The following ATG16L1 variants were observed in gnomAD, a reference collection of about 807,000 sequenced individuals.
The protein encoded by ATG16L1 is autophagy related 16 like 1, also known as autophagy-related protein 16-1.
A neutral mutation model predicts 88.5 loss-of-function variants in ATG16L1; 37 were observed. The observed-to-expected ratio is 0.42, with a 90% CI of 0.32 to 0.55. ATG16L1 has a LOEUF of 0.55. ATG16L1 is among the 20% of genes least tolerant of loss of function. The probability of loss-of-function intolerance (pLI) is 0.13; values close to 1 mark genes in which losing one functional copy is unlikely to be tolerated. For missense variants in ATG16L1, 554 were observed against 752.8 expected, an observed-to-expected ratio of 0.74 and a Z score of 3.09; for synonymous variants, 301 against 281.0, an observed-to-expected ratio of 1.07 and a Z score of -0.71.
intron 10 of ATG16L1, among the ~76,000 whole-genome samples, chr2:233,279,584 G>A (rs970404882): frequency 2.0e-5 from 3 of 152,196 alleles, no homozygotes; most frequent in Non-Finnish European, 4.4e-5. Context: ...CTTGGAAGAG[G>A]CCAAGTTCAA....
chr2:233,267,507 A>T (rs964344594), intron 5 of ATG16L1, among the ~76,000 whole-genome samples: 1 of 152,100 alleles, frequency 6.6e-6, no homozygotes, highest in Admixed American at 6.5e-5. Flanking sequence ...ACTGGTGTTT[A>T]TTTTTGGGGG....
intron 6 of ATG16L1, among the ~76,000 whole-genome samples, 155 bp downstream of exon 6, chr2:233,270,222 G>T (rs1304543831): frequency 2.6e-5 from 4 of 151,362 alleles, no homozygotes; most frequent in African/African-American, 9.7e-5. Context: ...AGCTTCTAAT[G>T]TTTTTATTTC....
intron 12 of ATG16L1, among the ~76,000 whole-genome samples, chr2:233,284,479 G>A (rs928742362): frequency 1.3e-4 from 20 of 152,074 alleles, no homozygotes; most frequent in African/African-American, 4.6e-4. Context: ...CTACAGGCAC[G>A]TGCCACCACA....
At chr2:233,289,376 G>GGTGTGT (rs757994844) in intron 12 of ATG16L1, among the ~76,000 whole-genome samples, 1 of 55,226 alleles carries the variant, frequency 1.8e-5, no homozygotes, top group Admixed American at 1.5e-4. Context: ...TCCTGTTTGG[G>GGTGTGT]ATGTGTGTGT....
Position 233,295,583 on chromosome 2 carries a change from G to A in ATG16L1, c.*1233G>A, listed in dbSNP as rs77293679. On this transcript the variant is annotated 3_prime_UTR_variant, in exon 18 of 18. Coordinates refer to ENST00000392017, the MANE Select transcript of ATG16L1 (RefSeq NM_030803.7). ...AAGGAGAGTTGAAATTCACAGGCCA[G>A]GGCACATCTTTTATTTATTTCATTA... 1 of 152,592 alleles carries A rather than the reference G, an allele frequency of 6.6e-6. No individual in the cohort carries two copies. The allele number at this position is 152,592 out of a possible 1,614,324, so 9.5% of individuals were successfully genotyped here. A position where few individuals can be genotyped will look rare whatever the true frequency, so the allele number is the denominator to read the frequency against.
rs761584853 is a variant in ATG16L1, at chr2:233,289,990, C to T, written c.1324+16C>T. Reference sequence around the variant, plus strand: ...AGCAAAGTCTGTGAGGAAATTCAGTCTCTCTGTCTGTGTATATGCTTAGAT... The same window carrying T: ...AGCAAAGTCTGTGAGGAAATTCAGTTTCTCTGTCTGTGTATATGCTTAGAT... On this transcript the variant is annotated intron_variant, in intron 13 of 17. Coordinates refer to ENST00000392017, the MANE Select transcript of ATG16L1 (RefSeq NM_030803.7). The T allele has an allele frequency of 1.2e-5, 19 of 1,613,134 alleles. No individual in the cohort carries two copies. The highest frequency in any genetic ancestry group is 1.7e-4 in the Middle Eastern group (1 of 6,054).
intron 2 of ATG16L1, 32 bp downstream of exon 2, chr2:233,256,227 C>G (rs1295399621): frequency 6.4e-7 from 1 of 1,553,544 alleles, no homozygotes; most frequent in South Asian, 1.1e-5. Flanking sequence ...TTATTTATGT[C>G]TCCTCTAAGG....
Position 233,270,021 on chromosome 2 carries a change from C to T in ATG16L1, c.661C>T (p.Gln221Ter). ...CAACAGGAGGCGGCAAGCCCGGCTG[C>T]AGAAAGAGCTTGCAGAAGCAGCAAA... ...KDSRRRQARL[Q>*]KELAEAAKEP... The change falls in exon 6 of 18, where the codon CAG becomes TAG. Residue 221 changes from glutamine (Q) to a stop codon, truncating the protein, a stop_gained. Coordinates refer to ENST00000392017, the MANE Select transcript of ATG16L1 (RefSeq NM_030803.7). LOFTEE classifies it high-confidence loss of function. 1 of 1,573,934 alleles carries T rather than the reference C, an allele frequency of 6.4e-7. No individual in the cohort carries two copies. Among genetic ancestry groups the T allele is most frequent in the Non-Finnish European group, 8.6e-7 (1 of 1,163,240 alleles).
intron 5 of ATG16L1, among the ~76,000 whole-genome samples, chr2:233,269,525 A>G (rs1262050132): frequency 6.6e-6 from 1 of 152,202 alleles, no homozygotes; most frequent in East Asian, 1.9e-4. Flanking sequence ...TTAGACCTGG[A>G]TCCTGTCCTC....
At chr2:233,266,748 A>G (rs1195618088) in intron 5 of ATG16L1, among the ~76,000 whole-genome samples, 1 of 152,224 alleles carries the variant, frequency 6.6e-6, no homozygotes, top group Non-Finnish European at 1.5e-5. Flanking sequence ...CATTGGCTTA[A>G]TGGATAAAGA....
chr2:233,262,667 A>G (rs1347186562), intron 2 of ATG16L1, among the ~76,000 whole-genome samples: 2 of 152,096 alleles, frequency 1.3e-5, no homozygotes, highest in African/African-American at 2.4e-5. Flanking sequence ...ACCCTCCTCA[A>G]TTACGTTAAA....
chr2:233,294,128 T>G (rs1235636080), intron 17 of ATG16L1, 129 bp from the exon 18 acceptor site: 2 of 669,466 alleles, frequency 3.0e-6, no homozygotes, highest in Admixed American at 3.1e-5. Flanking sequence ...GCGGGCACAG[T>G]GCCAGAGAGT....
chr2:233,274,153 G>A lies in ATG16L1; in HGVS notation c.851+376G>A, dbSNP rs1350541683. 2.5e-6 allele frequency: 3 copies of A among 1,178,920 alleles called. No individual in the cohort carries two copies. The African/African-American group carries it at 4.6e-5, about 18-fold the overall frequency. The allele number at this position is 1,178,920 out of a possible 1,614,324, so 73.0% of individuals were successfully genotyped here. Reference sequence around the variant, plus strand: ...CAGATGTTCACGTGCTAACGAGGATGCTTTGCATGTTCCTAGGAATGCCGG... The same window carrying A: ...CAGATGTTCACGTGCTAACGAGGATACTTTGCATGTTCCTAGGAATGCCGG... On this transcript the variant is annotated intron_variant, in intron 8 of 17. Coordinates refer to ENST00000392017, the MANE Select transcript of ATG16L1 (RefSeq NM_030803.7).
At chr2:233,264,144 G>T (rs1697404692) in intron 4 of ATG16L1, 79 bp downstream of exon 4, 1 of 1,429,266 alleles carries the variant, frequency 7.0e-7, no homozygotes, top group Non-Finnish European at 9.8e-7. Flanking sequence ...TGTGAGCAGG[G>T]CCAGTGGCAG....
In ATG16L1 at chr2:233,293,301, G is replaced by T. The variant is rs546459716; in HGVS notation, c.1674G>T (p.Leu558=). The change falls in exon 17 of 18, where the codon CTG becomes CTT. Residue 558 remains leucine, a synonymous_variant. Transcript: ENST00000392017. ...YVAAGSAEGS[L]YIWSVLTGKV... is the part of the protein sequence containing the mutation. ...CGGCAGGCTCTGCTGAGGGCTCTCTGTATATCTGGAGTGTGCTCACAGGGA... is the reference window on the plus strand; with the variant it reads ...CGGCAGGCTCTGCTGAGGGCTCTCTTTATATCTGGAGTGTGCTCACAGGGA... The T allele has an allele frequency of 2.5e-6, 4 of 1,614,204 alleles. No homozygotes were observed. In the Admixed American group the frequency reaches 6.7e-5, roughly 27 times the overall value.
At chr2:233,265,219 A>C in intron 5 of ATG16L1, 76 bp downstream of exon 5, 1 of 1,545,888 alleles carries the variant, frequency 6.5e-7, no homozygotes, top group African/African-American at 1.4e-5. Context: ...GAAAGAGATA[A>C]ACCTGGCAGT....
At chr2:233,274,139 GT>G (rs1390703644) in intron 8 of ATG16L1, 2 of 1,280,360 alleles carry the variant, frequency 1.6e-6, no homozygotes, top group Non-Finnish European at 1.1e-6. Flanking sequence ...AGATGTTCAC[GT>G]GCTAACGAGG....
At chr2:233,294,192 TG>T in intron 17 of ATG16L1, 64 bp from the exon 18 acceptor site, 1 of 1,319,638 alleles carries the variant, frequency 7.6e-7, no homozygotes, top group East Asian at 2.5e-5. Context: ...TTCTGGTGTT[TG>T]GTTTACCAAG....
chr2:233,252,073 G>C (rs561534853), intron 1 of ATG16L1, 131 bp downstream of exon 1: 1 of 648,840 alleles, frequency 1.5e-6, no homozygotes, highest in Non-Finnish European at 2.4e-6. Context: ...GGTAACCCGC[G>C]CTTGGGACGC....
Sources: gnomAD v4.1 joint callset for allele counts (sites outside exome capture counted in the v4.1 genomes callset) on GRCh38, gnomAD v4.1.1 for gene constraint, MANE v1.5 for transcripts, NCBI Gene and HGNC (gene_info 2026-07-23, HGNC 2026-07-21) for gene names.